The following CLSTN2 variants were observed in gnomAD, a reference collection of about 807,000 sequenced individuals.
CLSTN2 encodes calsyntenin 2.
CLSTN2 carries 48 observed loss-of-function variants against 101.2 expected under a neutral mutation model. The observed-to-expected ratio is 0.47, with a 90% CI of 0.38 to 0.60. The LOEUF is 0.60. Among genes scored for constraint, CLSTN2 ranks in the 20% least tolerant of loss-of-function variants. The pLI is 0.00. For synonymous variants in CLSTN2, 481 were observed against 463.6 expected, an observed-to-expected ratio of 1.04 and a Z score of -0.48; for missense variants, 1,160 against 1,238.2, an observed-to-expected ratio of 0.94 and a Z score of 0.95.
chr3:140,224,537 G>T (rs2086302452), intron 2 of CLSTN2, among the ~76,000 whole-genome samples: 1 of 152,172 alleles, frequency 6.6e-6, no homozygotes, highest in South Asian at 2.1e-4. Context: ...TAGACATGAA[G>T]CAAGCAGATC....
chr3:140,454,105 A>T (rs1406644555), intron 6 of CLSTN2, among the ~76,000 whole-genome samples: 1 of 152,224 alleles, frequency 6.6e-6, no homozygotes, highest in Non-Finnish European at 1.5e-5. Context: ...GTCTGATTAG[A>T]TCCCCAATCA....
At chr3:140,048,650 G>C (rs78581162) in intron 1 of CLSTN2, among the ~76,000 whole-genome samples, 5,476 of 152,304 alleles carry the variant, frequency 0.036, 332 homozygotes, top group African/African-American at 0.12. Flanking sequence ...TATAGCTAGA[G>C]AGTAGAAGAG....
intron 1 of CLSTN2, among the ~76,000 whole-genome samples, chr3:140,075,710 G>A (rs1234132316): frequency 6.6e-6 from 1 of 152,136 alleles, no homozygotes; most frequent in African/African-American, 2.4e-5. Context: ...GATGCAGAAG[G>A]AACGTGGTCC....
At chr3:140,052,566 G>A (rs907386607) in intron 1 of CLSTN2, among the ~76,000 whole-genome samples, 2 of 152,124 alleles carry the variant, frequency 1.3e-5, no homozygotes, top group African/African-American at 4.8e-5. Context: ...TAACCCTGGG[G>A]GAAGGCAGGA....
intron 1 of CLSTN2, among the ~76,000 whole-genome samples, chr3:140,164,454 T>C (rs779043899): frequency 1.3e-5 from 2 of 152,220 alleles, no homozygotes. Context: ...TCTCATTTTA[T>C]CTTCCTCTCA....
At chr3:140,183,624 A>C (rs909800994) in intron 2 of CLSTN2, among the ~76,000 whole-genome samples, 15 of 152,316 alleles carry the variant, frequency 9.8e-5, no homozygotes, top group African/African-American at 3.6e-4. Context: ...ATAGATGGAC[A>C]CTGTCTCACT....
intron 5 of CLSTN2, among the ~76,000 whole-genome samples, chr3:140,431,110 G>A (rs2088624280): frequency 6.6e-6 from 1 of 152,146 alleles, no homozygotes; most frequent in Non-Finnish European, 1.5e-5. Context: ...AGACTTACCT[G>A]GAAATGGTAG....
chr3:140,430,821 A>G (rs1056576879), intron 5 of CLSTN2, among the ~76,000 whole-genome samples: 17 of 152,238 alleles, frequency 1.1e-4, no homozygotes, highest in African/African-American at 4.1e-4. Context: ...AGCCCATTTA[A>G]TAGATAAGGA....
At chr3:140,429,012 C>T (rs141219268) in intron 5 of CLSTN2, among the ~76,000 whole-genome samples, 159 of 152,164 alleles carry the variant, frequency 1.0e-3, no homozygotes, top group East Asian at 9.7e-3. Context: ...TAAGACCATG[C>T]GGAAAATACT....
intron 1 of CLSTN2, among the ~76,000 whole-genome samples, chr3:140,041,513 G>A (rs1204529597): frequency 6.6e-6 from 1 of 152,158 alleles, no homozygotes; most frequent in Non-Finnish European, 1.5e-5. Context: ...AGGGGTAGGT[G>A]GTGGAGGAGG....
chr3:140,558,424 A>G (rs1935842745), intron 11 of CLSTN2, among the ~76,000 whole-genome samples: 1 of 152,144 alleles, frequency 6.6e-6, no homozygotes, highest in African/African-American at 2.4e-5. Context: ...GAAAATTCCC[A>G]TTTCTCTCAG....
chr3:140,533,940 C>T (rs1346277340), intron 9 of CLSTN2, among the ~76,000 whole-genome samples: 1 of 152,054 alleles, frequency 6.6e-6, no homozygotes, highest in Non-Finnish European at 1.5e-5. Flanking sequence ...TTGAGCTGAG[C>T]CCACCTACTT....
At chr3:140,130,763 A>G (rs1440362953) in intron 1 of CLSTN2, among the ~76,000 whole-genome samples, 1 of 152,076 alleles carries the variant, frequency 6.6e-6, no homozygotes, top group Non-Finnish European at 1.5e-5. Context: ...AGAGGTGGCT[A>G]TGTTTTCCTG....
intron 2 of CLSTN2, among the ~76,000 whole-genome samples, chr3:140,282,404 A>G (rs1261555978): frequency 6.6e-6 from 1 of 152,156 alleles, no homozygotes; most frequent in Non-Finnish European, 1.5e-5. Flanking sequence ...AGTGTGACCA[A>G]GAGCATGAGG....
intron 1 of CLSTN2, among the ~76,000 whole-genome samples, chr3:140,134,778 T>C (rs545620300): frequency 2.0e-5 from 3 of 152,188 alleles, no homozygotes; most frequent in African/African-American, 2.4e-5. Flanking sequence ...GGAGCAGCTG[T>C]CACTTAGTGC....
intron 2 of CLSTN2, among the ~76,000 whole-genome samples, chr3:140,187,304 C>T (rs1327339585): frequency 1.3e-5 from 2 of 152,168 alleles, no homozygotes; most frequent in South Asian, 2.1e-4. Context: ...GCCTCTGCCT[C>T]TTGGTGACCA....
intron 1 of CLSTN2, among the ~76,000 whole-genome samples, chr3:140,045,831 A>T (rs1036626014): frequency 6.6e-6 from 1 of 152,176 alleles, no homozygotes; most frequent in African/African-American, 2.4e-5. Context: ...AGCGGTTTTG[A>T]GTGAGTTTCT....
chr3:140,378,721 T>G (rs2087946724), intron 2 of CLSTN2, among the ~76,000 whole-genome samples: 1 of 152,174 alleles, frequency 6.6e-6, no homozygotes, highest in Non-Finnish European at 1.5e-5. Flanking sequence ...GAATCAGAAA[T>G]ACTGGGTGAC....
intron 1 of CLSTN2, among the ~76,000 whole-genome samples, chr3:140,089,748 C>T (rs1269910601): frequency 6.6e-6 from 1 of 151,432 alleles, no homozygotes; most frequent in Non-Finnish European, 1.5e-5. Context: ...GTAGCTGGGA[C>T]TACAGGCATG....
Sources: gnomAD v4.1 joint callset for allele counts (sites outside exome capture counted in the v4.1 genomes callset) on GRCh38, gnomAD v4.1.1 for gene constraint, MANE v1.5 for transcripts, NCBI Gene and HGNC (gene_info 2026-07-23, HGNC 2026-07-21) for gene names.